The following CREBRF variants were observed in gnomAD, a reference collection of about 807,000 sequenced individuals.
CREBRF encodes CREB3 regulatory factor.
CREBRF carries 5 observed loss-of-function variants against 66.1 expected under a neutral mutation model. That is an observed-to-expected ratio of 0.08 (90% CI 0.04 to 0.16). The LOEUF is 0.16. Among genes scored for constraint, CREBRF ranks in the 10% least tolerant of loss-of-function variants. The pLI is 1.00. For missense variants in CREBRF, 531 were observed against 744.9 expected, an observed-to-expected ratio of 0.71 and a Z score of 3.34; for synonymous variants, 229 against 264.4, an observed-to-expected ratio of 0.87 and a Z score of 1.30.
intron 4 of CREBRF, among the ~76,000 whole-genome samples, chr5:173,100,132 T>TAA (rs1561808327): frequency 2.2e-4 from 17 of 76,658 alleles, no homozygotes; most frequent in African/African-American, 7.7e-4. Context: ...ATATATATAA[T>TAA]TTTTTTTTTT....
At chr5:173,087,914 C>T (rs3097321) in intron 3 of CREBRF, among the ~76,000 whole-genome samples, 73,769 of 151,368 alleles carry the variant, frequency 0.49, 19,076 homozygotes, top group Non-Finnish European at 0.58. Context: ...ACCTCCGCCT[C>T]CCAGGCTCAA....
intron 4 of CREBRF, chr5:173,091,695 G>A: frequency 9.3e-7 from 1 of 1,076,358 alleles, no homozygotes; most frequent in Non-Finnish European, 1.1e-6. Context: ...GCCCAGCTGA[G>A]GACTTATTCT....
In CREBRF at chr5:173,090,764, C is replaced by T; in HGVS notation, c.585C>T (p.Val195=). 6.2e-7 allele frequency: 1 copy of T among 1,614,142 alleles called. No homozygotes were observed. The highest frequency in any genetic ancestry group is 8.5e-7 in the Non-Finnish European group (1 of 1,180,024). Residue 195 remains valine (V), a synonymous_variant, in exon 4 of 9, where the codon GTC becomes GTT. Transcript: ENST00000296953. This position sits in a 1 kb window ranked among gnomAD's most constrained non-coding sequence, Gnocchi z 4.5. ...CTTCTAAGACTCTGCAGGCTGAGGT[C>T]CCTTTGTCAGACTGTGTCCAAAAAG... is the stretch of plus-strand genomic sequence containing the variant. The part of the protein sequence containing the change: ...VCSSKTLQAE[V]PLSDCVQKAS...
At chr5:173,088,396 G>C (rs1758229255) in intron 3 of CREBRF, among the ~76,000 whole-genome samples, 1 of 142,598 alleles carries the variant, frequency 7.0e-6, no homozygotes, top group Non-Finnish European at 1.5e-5. Context: ...GGCTGAGGCA[G>C]GAGAATTGCT....
intron 2 of CREBRF, among the ~76,000 whole-genome samples, chr5:173,081,893 G>A (rs1193760322): frequency 1.3e-5 from 2 of 151,406 alleles, no homozygotes; most frequent in Non-Finnish European, 2.9e-5. Context: ...GACAGAGCAA[G>A]CTCTGTCTCA....
intron 4 of CREBRF, chr5:173,091,730 T>C: frequency 9.8e-7 from 1 of 1,020,258 alleles, no homozygotes; most frequent in Non-Finnish European, 1.2e-6. Flanking sequence ...TTAAGTGACC[T>C]GTTTTGTCAC....
chr5:173,078,087 T>A lies in CREBRF; in HGVS notation c.-191-2498T>A, dbSNP rs140433978. On this transcript the variant is annotated intron_variant, in intron 1 of 8. Coordinates refer to ENST00000296953, the MANE Select transcript of CREBRF (RefSeq NM_153607.3). The stretch of plus-strand genomic sequence containing the variant: ...ACTCTTTTAGGTATATACCTAGGAG[T>A]GGAATTGCTAGATCATATGGTAATT... 4.3e-3 allele frequency among the ~76,000 whole-genome samples: 660 copies of A among 152,204 alleles called. 6 individuals are homozygous for A. The highest frequency in any genetic ancestry group is 2.8e-3 in the Non-Finnish European group (193 of 68,014).
intron 8 of CREBRF, among the ~76,000 whole-genome samples, chr5:173,130,939 C>T (rs571471392): frequency 2.2e-4 from 34 of 152,226 alleles, no homozygotes; most frequent in Non-Finnish European, 4.0e-4. Flanking sequence ...ACTCCTGACC[C>T]CAAGTGATCC....
chr5:173,120,887 T>G (rs575108999), intron 7 of CREBRF, among the ~76,000 whole-genome samples: 1 of 151,836 alleles, frequency 6.6e-6, no homozygotes, highest in East Asian at 1.9e-4. Context: ...GACATGGGGT[T>G]TCGTCATGTT....
At chr5:173,089,457 G>T (rs1176281743) in intron 3 of CREBRF, among the ~76,000 whole-genome samples, 3 of 151,758 alleles carry the variant, frequency 2.0e-5, no homozygotes, top group Non-Finnish European at 4.4e-5. Flanking sequence ...AAAAATATAT[G>T]GTGGGCAGTC....
chr5:173,120,231 A>C (rs561559447), intron 7 of CREBRF, among the ~76,000 whole-genome samples: 1 of 151,836 alleles, frequency 6.6e-6, no homozygotes, highest in South Asian at 2.1e-4. Context: ...GATCAATTTT[A>C]TTTCTTCATT....
chr5:173,093,127 A>AG (rs1278423246), intron 4 of CREBRF, among the ~76,000 whole-genome samples: 8 of 152,094 alleles, frequency 5.3e-5, no homozygotes, highest in Non-Finnish European at 7.4e-5. Context: ...AGGAGCAGGG[A>AG]GGGGAAGGGT....
At chr5:173,108,554 G>A (rs1394365893) in intron 4 of CREBRF, 70 bp from the exon 5 acceptor site, 1 of 1,255,428 alleles carries the variant, frequency 8.0e-7, no homozygotes, top group Admixed American at 2.3e-5. Flanking sequence ...AATAGAAGGG[G>A]TCTTTTCATT....
intron 8 of CREBRF, among the ~76,000 whole-genome samples, chr5:173,129,148 G>T (rs1348484505): frequency 1.9e-5 from 2 of 106,766 alleles, no homozygotes; most frequent in Non-Finnish European, 3.5e-5. Context: ...ACGGAGTCTC[G>T]CTCTATTGCC....
intron 7 of CREBRF, among the ~76,000 whole-genome samples, chr5:173,115,510 T>G (rs1758968091): frequency 6.6e-6 from 1 of 152,226 alleles, no homozygotes; most frequent in Non-Finnish European, 1.5e-5. Flanking sequence ...TATCCTTGAG[T>G]AAGTAGTCTT....
At chr5:173,059,969 C>T (rs1233851748) in intron 1 of CREBRF, among the ~76,000 whole-genome samples, 1 of 151,894 alleles carries the variant, frequency 6.6e-6, no homozygotes, top group Non-Finnish European at 1.5e-5. Flanking sequence ...ACTTAGTTTA[C>T]AGGGTGTCTA....
At chr5:173,120,110 T>G (rs61483225) in intron 7 of CREBRF, among the ~76,000 whole-genome samples, 5 of 152,134 alleles carry the variant, frequency 3.3e-5, no homozygotes, top group Non-Finnish European at 5.9e-5. Flanking sequence ...TATTGGTCTA[T>G]GATTTTTATT....
At chr5:173,081,811 T>C (rs1400622400) in intron 2 of CREBRF, among the ~76,000 whole-genome samples, 1 of 151,650 alleles carries the variant, frequency 6.6e-6, no homozygotes. Flanking sequence ...TCCCAGCCAC[T>C]TGGGAGGCTG....
chr5:173,104,618 T>A (rs1475146293), intron 4 of CREBRF, among the ~76,000 whole-genome samples: 2 of 151,976 alleles, frequency 1.3e-5, no homozygotes, highest in Non-Finnish European at 2.9e-5. Context: ...AGGTCGAGGC[T>A]GCAGTGAGTT....
Sources: allele counts gnomAD v4.1 joint callset (sites outside exome capture counted in the v4.1 genomes callset), GRCh38; gene constraint gnomAD v4.1.1; non-coding constraint Gnocchi (gnomAD v3.1); transcripts MANE v1.5; gene names NCBI Gene and HGNC (gene_info 2026-07-23, HGNC 2026-07-21).